Variants in CHMP3 observed in about 807,000 individuals in gnomAD.
CHMP3 encodes the protein charged multivesicular body protein 3, also known as 25.1 protein.
A neutral mutation model predicts 27.4 loss-of-function variants in CHMP3; 8 were observed. That is an observed-to-expected ratio of 0.29 (90% CI 0.17 to 0.53). The LOEUF (loss-of-function observed/expected upper bound fraction) is 0.53, where lower values mean the gene tolerates loss of function less well. Ranked by LOEUF, CHMP3 falls within the 20% of genes least tolerant of loss-of-function variation. CHMP3 has a pLI of 0.96. For synonymous variants in CHMP3, 86 were observed against 85.5 expected, an observed-to-expected ratio of 1.01 and a Z score of -0.03; for missense variants, 208 against 271.5, an observed-to-expected ratio of 0.77 and a Z score of 1.64.
chr2:86,507,922 T>C (rs1344227640), intron 4 of CHMP3, among the ~76,000 whole-genome samples: 1 of 152,202 alleles, frequency 6.6e-6, no homozygotes, highest in Non-Finnish European at 1.5e-5. Flanking sequence ...TTTCCAGCGC[T>C]GTTTTGGGAA....
At chr2:86,557,167 C>T (rs1200628450) in intron 1 of CHMP3, among the ~76,000 whole-genome samples, 6 of 152,206 alleles carry the variant, frequency 3.9e-5, no homozygotes, top group Admixed American at 3.9e-4. Context: ...CCATTCCCAA[C>T]AAACTTGCTC....
At position 86,535,965 on chromosome 2, in the gene CHMP3, G is replaced by T. The variant is rs181194596; in HGVS notation, c.106+6287C>A. ...TTATTCATGTCTCTTAAATCATGTA[G>T]AATACAAAAAGTAGAGTTATAAACC... On this transcript the variant is annotated intron_variant, in intron 2 of 5. Coordinates refer to ENST00000263856, the MANE Select transcript of CHMP3 (RefSeq NM_016079.4). Among the ~76,000 whole-genome samples, 21 of 148,306 alleles carry T rather than the reference G, an allele frequency of 1.4e-4. 1 individual carries two copies. In the South Asian group the frequency reaches 4.3e-3, roughly 30 times the overall value.
chr2:86,518,896 A>G (rs2084040908), intron 3 of CHMP3, among the ~76,000 whole-genome samples: 1 of 152,180 alleles, frequency 6.6e-6, no homozygotes, highest in African/African-American at 2.4e-5. Context: ...CAGGACACTC[A>G]CTGGTAAAAG....
At chr2:86,561,798 T>C (rs1256835624) in intron 1 of CHMP3, 1 of 152,216 alleles carries the variant, frequency 6.6e-6, no homozygotes, top group Non-Finnish European at 1.5e-5. Context: ...GTGTACAATA[T>C]ACTAGAGTAG....
chr2:86,521,937 C>A (rs77059793), intron 3 of CHMP3, among the ~76,000 whole-genome samples: 1 of 152,116 alleles, frequency 6.6e-6, no homozygotes, highest in South Asian at 2.1e-4. Context: ...TCCATTCTTT[C>A]GGGTATATCT....
chr2:86,514,226 GAA>G (rs1264828495), intron 3 of CHMP3, among the ~76,000 whole-genome samples: 1 of 152,180 alleles, frequency 6.6e-6, no homozygotes. Flanking sequence ...AATGAGAGGT[GAA>G]AGAGGCCTAG....
chr2:86,535,256 A>T (rs1206017255), intron 2 of CHMP3, among the ~76,000 whole-genome samples: 4 of 132,112 alleles, frequency 3.0e-5, no homozygotes, highest in Admixed American at 3.0e-4. Context: ...CCCTATCTCC[A>T]AAAAAAAAAA....
intron 1 of CHMP3, among the ~76,000 whole-genome samples, chr2:86,545,977 C>T (rs1204891590): frequency 6.6e-6 from 1 of 152,204 alleles, no homozygotes; most frequent in Non-Finnish European, 1.5e-5. Flanking sequence ...TGGGCAGAGG[C>T]TGTAATCTTA....
intron 1 of CHMP3, 93 bp downstream of exon 1, chr2:86,563,211 C>G: frequency 6.8e-7 from 1 of 1,467,598 alleles, no homozygotes; most frequent in South Asian, 1.2e-5. Context: ...CGGTATCGGG[C>G]AGGCGGTGGG....
chr2:86,516,796 C>T (rs116561550), intron 3 of CHMP3, among the ~76,000 whole-genome samples: 2,247 of 152,222 alleles, frequency 0.015, 28 homozygotes, highest in Non-Finnish European at 0.021. Flanking sequence ...CTACATAATT[C>T]CATTTATACA....
intron 4 of CHMP3, among the ~76,000 whole-genome samples, chr2:86,508,017 C>T (rs1346349910): frequency 1.3e-5 from 2 of 152,002 alleles, no homozygotes; most frequent in Non-Finnish European, 1.5e-5. Flanking sequence ...GTAGTAGATG[C>T]CGTGATAAAA....
At chr2:86,540,700 T>C (rs1676326178) in intron 2 of CHMP3, 1 of 152,138 alleles carries the variant, frequency 6.6e-6, no homozygotes, top group African/African-American at 2.4e-5. Context: ...CTTTCAACTC[T>C]AGAAATTCCA....
intron 1 of CHMP3, among the ~76,000 whole-genome samples, chr2:86,557,922 G>A (rs547816788): frequency 6.6e-6 from 1 of 152,204 alleles, no homozygotes; most frequent in African/African-American, 2.4e-5. Context: ...ATTTTTGTAA[G>A]CCTTATTCCA....
chr2:86,525,532 C>CAAA (rs1242579774), intron 3 of CHMP3, among the ~76,000 whole-genome samples: 7 of 101,704 alleles, frequency 6.9e-5, no homozygotes, highest in East Asian at 3.1e-4. Context: ...GATCTTGTCT[C>CAAA]AAAAAAAAAA....
intron 3 of CHMP3, chr2:86,527,108 G>A (rs919508180): frequency 1.3e-5 from 2 of 151,620 alleles, no homozygotes; most frequent in Non-Finnish European, 2.9e-5. Context: ...ACAACAAAAC[G>A]TTAAATTGTA....
In CHMP3 at chr2:86,563,338, A is replaced by C; in HGVS notation, c.11T>G (p.Phe4Cys). 6.2e-7 allele frequency: 1 copy of C among 1,614,048 alleles called. No homozygotes were observed. The highest frequency in any genetic ancestry group is 8.5e-7 in the Non-Finnish European group (1 of 1,179,962). The change falls in exon 1 of 6, where the codon TTT (phenylalanine) becomes TGT (cysteine). Residue 4 changes from phenylalanine (F) to cysteine (C), a missense_variant. By Grantham distance (205) the Phe-to-Cys change is radical. Coordinates refer to ENST00000263856, the MANE Select transcript of CHMP3 (RefSeq NM_016079.4). MGL[F>C]GKTQEKPPKE... Reference sequence around the variant, plus strand: ...GGGCGGCTTCTCCTGGGTCTTTCCAAACAGCCCCATGACGAACTGAACCCG... The same window carrying C: ...GGGCGGCTTCTCCTGGGTCTTTCCACACAGCCCCATGACGAACTGAACCCG...
chr2:86,510,443 G>T lies in CHMP3; in HGVS notation c.323C>A (p.Thr108Lys), dbSNP rs1239426479. 1 of 1,613,676 alleles carries T rather than the reference G, an allele frequency of 6.2e-7. No individual in the cohort carries two copies. The highest frequency in any genetic ancestry group is 1.3e-5 in the African/African-American group (1 of 74,914). ...LRVAGSLQKS[T>K]EVMKAMQSLV... Reference sequence around the variant, plus strand: ...ACTTTGCATGGCCTTCATCACTTCTGTGCTCTTCTGCAGGGAACCAGCCAC... The same window carrying T: ...ACTTTGCATGGCCTTCATCACTTCTTTGCTCTTCTGCAGGGAACCAGCCAC... The change falls in exon 4 of 6, where the codon ACA (threonine) becomes AAA (lysine). Residue 108 changes from threonine (T) to lysine (K), a missense_variant. Transcript: ENST00000263856.
chr2:86,514,760 A>G (rs368780926), intron 3 of CHMP3, among the ~76,000 whole-genome samples: 2 of 152,212 alleles, frequency 1.3e-5, no homozygotes, highest in African/African-American at 4.8e-5. Context: ...CCTATCTAAA[A>G]TCTTCAAAAG....
chr2:86,553,368 T>C (rs1465778528), intron 1 of CHMP3, among the ~76,000 whole-genome samples: 2 of 152,236 alleles, frequency 1.3e-5, no homozygotes, highest in African/African-American at 2.4e-5. Context: ...AGTCTTGCTC[T>C]GTCGCCAGCC....
Sources: gnomAD v4.1 joint callset for allele counts (sites outside exome capture counted in the v4.1 genomes callset) on GRCh38, gnomAD v4.1.1 for gene constraint, MANE v1.5 for transcripts, NCBI Gene and HGNC (gene_info 2026-07-23, HGNC 2026-07-21) for gene names.